Variants in NCKAP5L observed in about 807,000 individuals in gnomAD.
NCKAP5L encodes nck-associated protein 5-like.
Under a neutral mutation model 103.2 loss-of-function variants are expected in NCKAP5L, and 54 were observed. That is an observed-to-expected ratio of 0.52 (90% confidence interval 0.42 to 0.66). The LOEUF is 0.66. Among genes scored for constraint, NCKAP5L ranks in the 30% least tolerant of loss-of-function variants. NCKAP5L has a pLI of 0.00. For missense variants in NCKAP5L, 1,733 were observed against 1,750.6 expected, an observed-to-expected ratio of 0.99 and a Z score of 0.18; for synonymous variants, 762 against 748.6, an observed-to-expected ratio of 1.02 and a Z score of -0.29.
In NCKAP5L at chr12:49,801,927, AAC is replaced by A. The variant is rs1246398079; in HGVS notation, c.270_271del (p.Phe91Ter). 2 of 1,613,936 alleles carry A rather than the reference AAC, an allele frequency of 1.2e-6. No individual in the cohort carries two copies. Among genetic ancestry groups the A allele is most frequent in the Non-Finnish European group, 1.7e-6 (2 of 1,179,868 alleles). On this transcript the variant is annotated frameshift_variant, in exon 6 of 13. Transcript: ENST00000335999. LOFTEE classifies it high-confidence loss of function. Reference sequence around the variant, plus strand: ...CATCTGGTTCTGCCGTTCCAGGTCAAACACTCTCTTCTTCAGCTTGATGCACT... The same window carrying A: ...CATCTGGTTCTGCCGTTCCAGGTCAAACTCTCTTCTTCAGCTTGATGCACT...
Position 49,793,386 on chromosome 12 carries a change from G to A in NCKAP5L, c.3306C>T (p.Ser1102=), listed in dbSNP as rs369928795. ...GTGAGGTGGGCACTGGCTCGGCCAG[G>A]CTGTCCTCCGAGGGCATCTCTTCCC... ...GRREEMPSED[S]LAEPVPTSHF... is the part of the protein sequence containing the mutation. The change falls in exon 10 of 13, where the codon AGC becomes AGT. Residue 1102 remains serine (S), a synonymous_variant. Coordinates refer to ENST00000335999, the MANE Select transcript of NCKAP5L (RefSeq NM_001037806.4). The A allele has an allele frequency of 4.2e-5, 67 of 1,608,414 alleles. No homozygotes were observed. In the South Asian group the frequency reaches 5.9e-4, roughly 14 times the overall value.
chr12:49,805,222 A>G (rs1946167006), intron 2 of NCKAP5L: 2 of 152,436 alleles, frequency 1.3e-5, no homozygotes, highest in South Asian at 4.1e-4. Context: ...TGAGGGCAGG[A>G]ACACTGCATT....
intron 1 of NCKAP5L, among the ~76,000 whole-genome samples, chr12:49,822,290 T>C (rs1946369077): frequency 6.6e-6 from 1 of 152,136 alleles, no homozygotes; most frequent in Non-Finnish European, 1.5e-5. Context: ...TTATGGTATG[T>C]TGTTATAGCA....
At position 49,797,070 on chromosome 12, in the gene NCKAP5L, G is replaced by A. The variant is rs1330023370; in HGVS notation, c.790C>T (p.Leu264=). ...CGCCCAGTGTCCTCTTCCCCTCCCA[G>A]ACCCCCCAAGAGGCGCTCCCAGTGC... ...LLHWERLLGG[L]GGEEDTGRPW... The change falls in exon 8 of 13, where the codon CTG becomes TTG. Residue 264 remains leucine, a synonymous_variant. Coordinates refer to ENST00000335999, the MANE Select transcript of NCKAP5L (RefSeq NM_001037806.4). This position sits in a 1 kb window ranked among gnomAD's most constrained non-coding sequence, Gnocchi z 4.5. 6.3e-7 allele frequency: 1 copy of A among 1,577,372 alleles called. No homozygotes were observed. The highest frequency in any genetic ancestry group is 1.3e-5 in the African/African-American group (1 of 74,104).
intron 1 of NCKAP5L, among the ~76,000 whole-genome samples, chr12:49,811,442 C>T (rs1262663737): frequency 2.0e-5 from 3 of 152,100 alleles, no homozygotes; most frequent in Non-Finnish European, 4.4e-5. Context: ...CCCTCCCATC[C>T]CCCTCGGAAC....
chr12:49,818,185 C>T (rs963273028), intron 1 of NCKAP5L, among the ~76,000 whole-genome samples: 8 of 151,474 alleles, frequency 5.3e-5, no homozygotes, highest in African/African-American at 1.9e-4. Flanking sequence ...TGTAAAACTA[C>T]TAGGAGAAAA....
chr12:49,813,427 C>T (rs1490883353), intron 1 of NCKAP5L, among the ~76,000 whole-genome samples: 2 of 152,142 alleles, frequency 1.3e-5, no homozygotes, highest in East Asian at 3.8e-4. Context: ...GCTTATTGGC[C>T]ATTTGCATCT....
chr12:49,820,274 C>T (rs189586891), intron 1 of NCKAP5L, among the ~76,000 whole-genome samples: 7 of 151,252 alleles, frequency 4.6e-5, no homozygotes, highest in Admixed American at 4.6e-4. Flanking sequence ...GATACCCTTC[C>T]AGCTCCTAGT....
At chr12:49,814,573 T>G (rs1442513715) in intron 1 of NCKAP5L, among the ~76,000 whole-genome samples, 1 of 152,138 alleles carries the variant, frequency 6.6e-6, no homozygotes, top group African/African-American at 2.4e-5. Flanking sequence ...TCTTCCTGGA[T>G]GACTTTTCCC....
chr12:49,818,287 C>A (rs1000511914), intron 1 of NCKAP5L, among the ~76,000 whole-genome samples: 3 of 152,146 alleles, frequency 2.0e-5, no homozygotes, highest in Non-Finnish European at 4.4e-5. Flanking sequence ...GGGATTACAT[C>A]AAACTAAAAA....
Position 49,804,369 on chromosome 12 carries a change from C to T in NCKAP5L, c.-36-289G>A, listed in dbSNP as rs148537312. 1,959 of 198,798 alleles carry T rather than the reference C, an allele frequency of 9.9e-3. 12 individuals carry two copies. Among genetic ancestry groups the T allele is most frequent in the South Asian group, 0.026 (186 of 7,102 alleles). The allele number at this position is 198,798 out of a possible 1,614,324, so 12.3% of individuals were successfully genotyped here. ...CATTCAGCCTCCCTGGGTCTCAGTC[C>T]CTCTATTTGTAAAATAACACCAATA... On this transcript the variant is annotated intron_variant, in intron 2 of 12. Coordinates refer to ENST00000335999, the MANE Select transcript of NCKAP5L (RefSeq NM_001037806.4).
At chr12:49,805,364 C>T (rs574017778) in intron 2 of NCKAP5L, 1 of 152,460 alleles carries the variant, frequency 6.6e-6, no homozygotes, top group South Asian at 2.1e-4. Flanking sequence ...CCATGGGATC[C>T]TCCCACCCCA....
At chr12:49,823,240 G>A (rs1946380151) in intron 1 of NCKAP5L, among the ~76,000 whole-genome samples, 1 of 152,262 alleles carries the variant, frequency 6.6e-6, no homozygotes, top group South Asian at 2.1e-4. Context: ...GAGGCAGAGG[G>A]CAGGGGGAAG....
rs1200722758 is a variant in NCKAP5L at position 49,796,906 on chromosome 12, G to A, written c.954C>T (p.Leu318=). ...TCAACTGTCTGCGGGCCAGGGCACC[G>A]AGCAGGGTGTCGGGGCTGGGTGCCT... ...PNEAPSPDTL[L]GALARRQLNL... is the part of the protein sequence containing the mutation. The change falls in exon 8 of 13, where the codon CTC becomes CTT. Residue 318 remains leucine, a synonymous_variant. Transcript: ENST00000335999. 5.6e-6 allele frequency: 9 copies of A among 1,610,332 alleles called. No homozygotes were observed. Among genetic ancestry groups the A allele is most frequent in the East Asian group, 2.2e-5 (1 of 44,806 alleles).
chr12:49,827,934 C>A (rs1487215101), intron 1 of NCKAP5L, among the ~76,000 whole-genome samples: 1 of 152,218 alleles, frequency 6.6e-6, no homozygotes, highest in Non-Finnish European at 1.5e-5. Context: ...AAGCGGCACC[C>A]GGACGGTGGG....
At chr12:49,794,646 A>T in intron 8 of NCKAP5L, 119 bp downstream of exon 8, 2 of 708,560 alleles carry the variant, frequency 2.8e-6, no homozygotes, top group Non-Finnish European at 4.0e-6. Context: ...ATCCCTTTTG[A>T]CCTCTGGGAA....
intron 1 of NCKAP5L, among the ~76,000 whole-genome samples, chr12:49,810,960 C>T (rs1259490970): frequency 2.7e-5 from 4 of 150,924 alleles, no homozygotes. Flanking sequence ...GTAGAACTTT[C>T]TGTAATAATG....
intron 1 of NCKAP5L, among the ~76,000 whole-genome samples, chr12:49,826,187 TGCCCTCCTC>T (rs1946414518): frequency 6.6e-6 from 1 of 152,042 alleles, no homozygotes; most frequent in Admixed American, 6.5e-5. Flanking sequence ...GGGCCCTCCT[TGCCCTCCTC>T]CTATAAGAGG....
rs1197255164 is a variant in NCKAP5L at position 49,796,128 on chromosome 12, G to C, written c.1732C>G (p.Pro578Ala). ...RGPSPEPPPS[P>A]LQVPTYPQLT... ...TGTGGGTAGGTGGGCACCTGCAGTG[G>C]GGATGGAGGTGGCTCTGGGGAAGGC... The change falls in exon 8 of 13, where the codon CCA (proline) becomes GCA (alanine). Residue 578 changes from proline to alanine, a missense_variant. Transcript: ENST00000335999. 6.2e-7 allele frequency: 1 copy of C among 1,611,516 alleles called. No homozygotes were observed. The highest frequency in any genetic ancestry group is 1.1e-5 in the South Asian group (1 of 90,844).
Sources: allele counts gnomAD v4.1 joint callset (sites outside exome capture counted in the v4.1 genomes callset), GRCh38; gene constraint gnomAD v4.1.1; non-coding constraint Gnocchi (gnomAD v3.1); transcripts MANE v1.5; gene names NCBI Gene and HGNC (gene_info 2026-07-23, HGNC 2026-07-21).